Variants in CAMTA1 observed in about 807,000 individuals in gnomAD.
The protein encoded by CAMTA1 is calmodulin-binding transcription activator 1.
A neutral mutation model predicts 170.9 loss-of-function variants in CAMTA1; 27 were observed. The ratio of observed to expected loss-of-function variants is 0.16; its 90% confidence interval spans 0.12 to 0.22. The LOEUF (loss-of-function observed/expected upper bound fraction) is 0.22. Ranked by LOEUF, CAMTA1 falls within the 10% of genes least tolerant of loss-of-function variation. The pLI is 1.00. For synonymous variants in CAMTA1, 833 were observed against 891.5 expected, an observed-to-expected ratio of 0.93 and a Z score of 1.17; for missense variants, 1,619 against 2,217.2, an observed-to-expected ratio of 0.73 and a Z score of 5.42.
Position 7,744,884 on chromosome 1 carries a change from G to C in CAMTA1, c.4232G>C (p.Arg1411Pro). 6.2e-7 allele frequency: 1 copy of C among 1,614,078 alleles called. No individual in the cohort carries two copies. Among genetic ancestry groups the C allele is most frequent in the Non-Finnish European group, 8.5e-7 (1 of 1,180,016 alleles). Residue 1411 changes from arginine to proline, a missense_variant, in exon 17 of 23, where the codon CGA becomes CCA. By Grantham distance (103) the Arg-to-Pro change is moderately radical (BLOSUM62 -2). Coordinates refer to ENST00000303635, the MANE Select transcript of CAMTA1 (RefSeq NM_015215.4). Reference protein sequence around the residue: ...AEHIIEATPDRIKQENFVPME... With the variant: ...AEHIIEATPDPIKQENFVPME... ...CACATTATTGAAGCCACACCTGACC[G>C]AATCAAGCAGGAGAATTTTGTGCCC...
intron 1 of CAMTA1, among the ~76,000 whole-genome samples, chr1:6,811,737 C>T (rs1261830538): frequency 6.6e-6 from 1 of 152,186 alleles, no homozygotes; most frequent in South Asian, 2.1e-4. Context: ...CACTTTTGGC[C>T]TTCAGAGTGT....
At chr1:7,717,042 A>G (rs906044852) in intron 11 of CAMTA1, among the ~76,000 whole-genome samples, 3 of 152,180 alleles carry the variant, frequency 2.0e-5, no homozygotes, top group African/African-American at 7.2e-5. Context: ...ATGCCACATG[A>G]TCTCACTCCT....
chr1:7,647,285 G>GA lies in CAMTA1; in HGVS notation c.664+6732_664+6733insA, dbSNP rs532778536. On this transcript the variant is annotated intron_variant, in intron 7 of 22. Transcript: ENST00000303635. The stretch of plus-strand genomic sequence containing the variant: ...AAAGACCAAAGATCCAGAAGGGGGG[G>GA]GGGCTGTGTTTATTTGTTTTGTTTT... 1.0e-3 allele frequency among the ~76,000 whole-genome samples: 156 copies of GA among 151,940 alleles called. 6 individuals carry two copies. The South Asian group carries it at 0.032, about 31-fold the overall frequency.
chr1:7,522,474 T>C (rs2094378407), intron 6 of CAMTA1, among the ~76,000 whole-genome samples: 1 of 152,242 alleles, frequency 6.6e-6, no homozygotes, highest in Non-Finnish European at 1.5e-5. Context: ...AATGAGCTTT[T>C]GTAGAACAAA....
At chr1:6,938,303 T>C (rs1360359649) in intron 3 of CAMTA1, among the ~76,000 whole-genome samples, 1 of 152,104 alleles carries the variant, frequency 6.6e-6, no homozygotes, top group African/African-American at 2.4e-5. Flanking sequence ...CCCTCAGCTC[T>C]GGGGACCAGG....
chr1:7,337,741 T>C (rs2083491357), intron 5 of CAMTA1, among the ~76,000 whole-genome samples: 1 of 152,158 alleles, frequency 6.6e-6, no homozygotes, highest in Non-Finnish European at 1.5e-5. Context: ...GGAAAGGCCT[T>C]GAGAGCAGAC....
rs560019949 is a variant in CAMTA1 at position 7,494,811 on chromosome 1, A to G, written c.510+26910A>G. Reference sequence around the variant, plus strand: ...AGATTGAGACCCTGTCTCAAAAAAAATAATAAAAAATAAAAGGCCAAGAGG... The same window carrying G: ...AGATTGAGACCCTGTCTCAAAAAAAGTAATAAAAAATAAAAGGCCAAGAGG... On this transcript the variant is annotated intron_variant, in intron 6 of 22. Transcript: ENST00000303635. Among the ~76,000 whole-genome samples, 22 of 152,254 alleles carry G rather than the reference A, an allele frequency of 1.4e-4. 1 individual carries two copies. In the South Asian group the frequency reaches 4.6e-3, roughly 32 times the overall value.
intron 6 of CAMTA1, among the ~76,000 whole-genome samples, chr1:7,546,192 G>A (rs1046385661): frequency 1.3e-4 from 20 of 152,146 alleles, no homozygotes; most frequent in African/African-American, 3.6e-4. Flanking sequence ...TCCTGACCTC[G>A]TGATCCACCC....
At chr1:7,258,108 G>A (rs929383613) in intron 5 of CAMTA1, among the ~76,000 whole-genome samples, 172 of 152,320 alleles carry the variant, frequency 1.1e-3, no homozygotes, top group African/African-American at 4.0e-3. Flanking sequence ...CAGATCTGGT[G>A]CCGTTAGATG....
intron 6 of CAMTA1, among the ~76,000 whole-genome samples, chr1:7,539,168 T>C (rs1171194784): frequency 6.6e-6 from 1 of 152,212 alleles, no homozygotes; most frequent in Non-Finnish European, 1.5e-5. Flanking sequence ...CCCAGATGTA[T>C]GACTTTTCTT....
chr1:6,866,438 T>G (rs971140798), intron 3 of CAMTA1, among the ~76,000 whole-genome samples: 1 of 152,222 alleles, frequency 6.6e-6, no homozygotes. Context: ...GCTAGTAAGT[T>G]TAAAAACAAG....
chr1:7,218,322 G>T (rs1191634342), intron 4 of CAMTA1, among the ~76,000 whole-genome samples: 2 of 152,168 alleles, frequency 1.3e-5, no homozygotes, highest in East Asian at 3.9e-4. Context: ...GGTAAGTGTC[G>T]TATTCTCATT....
rs79547775 is a variant in CAMTA1, at chr1:7,113,241, C to G, written c.302+21870C>G. Reference sequence around the variant, plus strand: ...TCAACAAGAGGCCCCAGGACCTAGACAGCACCCTGGGGCCAGAGGATCGTG... The same window carrying G: ...TCAACAAGAGGCCCCAGGACCTAGAGAGCACCCTGGGGCCAGAGGATCGTG... On this transcript the variant is annotated intron_variant, in intron 4 of 22. Transcript: ENST00000303635. This position sits in a 1 kb window ranked among gnomAD's most constrained non-coding sequence, Gnocchi z 4.5. Among the ~76,000 whole-genome samples the G allele has an allele frequency of 9.2e-3, 1,406 of 152,356 alleles. 33 individuals are homozygous for G. The highest frequency in any genetic ancestry group is 0.032 in the African/African-American group (1,339 of 41,574).
rs1359855165 is a variant in CAMTA1 at position 6,804,293 on chromosome 1, C to T, written c.46-15888C>T. Among the ~76,000 whole-genome samples, 3 of 150,212 alleles carry T rather than the reference C, an allele frequency of 2.0e-5. No homozygotes were observed. In the East Asian group the frequency reaches 5.9e-4, roughly 30 times the overall value. ...TTGGCCTCCCGAAGTGCTGGGATTG[C>T]AGGTATAAGCCACTGTGCCCAGCCT... On this transcript the variant is annotated intron_variant, in intron 1 of 22. Transcript: ENST00000303635.
At chr1:7,726,916 T>C (rs1024470622) in intron 11 of CAMTA1, among the ~76,000 whole-genome samples, 1 of 152,176 alleles carries the variant, frequency 6.6e-6, no homozygotes, top group African/African-American at 2.4e-5. Context: ...AACTTGCACT[T>C]GTAACTTTCC....
chr1:7,121,913 A>G (rs1032391162), intron 4 of CAMTA1, among the ~76,000 whole-genome samples: 1 of 151,944 alleles, frequency 6.6e-6, no homozygotes, highest in Non-Finnish European at 1.5e-5. Context: ...AGGGGAGGGC[A>G]CTGCCTTTGA....
chr1:7,025,902 A>G (rs993160211), intron 3 of CAMTA1, among the ~76,000 whole-genome samples: 2 of 152,202 alleles, frequency 1.3e-5, no homozygotes, highest in African/African-American at 4.8e-5. Flanking sequence ...AGATTGCTTG[A>G]GCCTAGGAGT....
chr1:6,825,265 G>C (rs1218202056), intron 3 of CAMTA1, 55 bp downstream of exon 3: 4 of 891,246 alleles, frequency 4.5e-6, no homozygotes, highest in Non-Finnish European at 7.1e-6. Flanking sequence ...AATTTTTTAG[G>C]TTGCTTCACA....
chr1:7,499,253 ATGAG>A (rs36208941), intron 6 of CAMTA1, among the ~76,000 whole-genome samples: 29,443 of 85,642 alleles, frequency 0.34, 7,363 homozygotes, highest in African/African-American at 0.45. Context: ...ATGTGTGTAC[ATGAG>A]TGAGTGTGTA....
Sources: allele counts gnomAD v4.1 joint callset (sites outside exome capture counted in the v4.1 genomes callset), GRCh38; gene constraint gnomAD v4.1.1; non-coding constraint Gnocchi (gnomAD v3.1); transcripts MANE v1.5; gene names NCBI Gene and HGNC (gene_info 2026-07-23, HGNC 2026-07-21).